The following C2CD2L variants were observed in gnomAD, a reference collection of about 807,000 sequenced individuals.
C2CD2L encodes phospholipid transfer protein C2CD2L.
Under a neutral mutation model 69.9 loss-of-function variants are expected in C2CD2L, and 24 were observed. That is an observed-to-expected ratio of 0.34 (90% CI 0.25 to 0.48). C2CD2L has a LOEUF of 0.48. Among genes scored for constraint, C2CD2L ranks in the 20% least tolerant of loss-of-function variants. C2CD2L has a pLI of 0.99. For synonymous variants in C2CD2L, 367 were observed against 391.0 expected, an observed-to-expected ratio of 0.94 and a Z score of 0.72; for missense variants, 811 against 941.5, an observed-to-expected ratio of 0.86 and a Z score of 1.81.
chr11:119,107,901 G>A lies in C2CD2L; in HGVS notation c.160G>A (p.Gly54Arg), dbSNP rs761639867. Residue 54 changes from glycine (G) to arginine (R), a missense_variant, in exon 1 of 14, where the codon GGG becomes AGG. Coordinates refer to ENST00000648610, the MANE Select transcript of C2CD2L (RefSeq NM_001290474.2). The surrounding 1 kb of genome is among the most constrained non-coding windows in gnomAD (Gnocchi z 5.4). The part of the protein sequence containing the change: ...GDRGPGPALA[G>R]EPAGSLRELG... The stretch of plus-strand genomic sequence containing the variant: ...CCGGGGCCCGGGACCCGCCTTAGCC[G>A]GGGAACCCGCGGGTTCCCTGCGGGA... The A allele has an allele frequency of 7.2e-6, 11 of 1,525,258 alleles. No individual in the cohort carries two copies. The highest frequency in any genetic ancestry group is 3.6e-5 in the South Asian group (3 of 82,820). 94.5% of individuals were successfully genotyped at this position (1,525,258 alleles called of 1,614,324 possible).
chr11:119,116,011 C>T, intron 13 of C2CD2L, 34 bp from the exon 14 acceptor site: 1 of 1,599,922 alleles, frequency 6.3e-7, no homozygotes, highest in Non-Finnish European at 8.5e-7. Flanking sequence ...ACCCCGTGCC[C>T]CTCTCTGCCT....
intron 10 of C2CD2L, chr11:119,113,370 C>G: frequency 1.8e-6 from 1 of 547,764 alleles, no homozygotes; most frequent in Non-Finnish European, 3.2e-6. Context: ...TGTCCCCGCT[C>G]CATATTTTCA....
chr11:119,104,027 G>C (rs923986382), upstream of C2CD2L, among the ~76,000 whole-genome samples: 1 of 152,208 alleles, frequency 6.6e-6, no homozygotes, highest in African/African-American at 2.4e-5. Context: ...GCTGAAAGGA[G>C]GACTGAGGGC....
Position 119,107,725 on chromosome 11 carries a change from C to T in C2CD2L, c.-17C>T, listed in dbSNP as rs1302578027. On this transcript the variant is annotated 5_prime_UTR_variant, in exon 1 of 14. Coordinates refer to ENST00000648610, the MANE Select transcript of C2CD2L (RefSeq NM_001290474.2). The surrounding 1 kb of genome is among the most constrained non-coding windows in gnomAD (Gnocchi z 5.4). ...GGTGAGCCCCAGCCGGGACCGGGATCGGAGCCCGCGCGGAGCATGGATCCG... is the reference window on the plus strand; with the variant it reads ...GGTGAGCCCCAGCCGGGACCGGGATTGGAGCCCGCGCGGAGCATGGATCCG... The T allele has an allele frequency of 3.4e-6, 5 of 1,461,042 alleles. No individual in the cohort carries two copies. The highest frequency in any genetic ancestry group is 4.5e-6 in the Non-Finnish European group (5 of 1,114,234). 90.5% of individuals were successfully genotyped at this position (1,461,042 alleles called of 1,614,324 possible).
Position 119,110,268 on chromosome 11 carries a change from C to T in C2CD2L, c.450+69C>T. ...ACTGACCCCAAGGGCTCCCTTTAGT[C>T]CAGAGGTTCTTAACCTGGAGTCTGT... On this transcript the variant is annotated intron_variant, in intron 2 of 13. Transcript: ENST00000648610. The surrounding 1 kb of genome is among the most constrained non-coding windows in gnomAD (Gnocchi z 5.7). 2 of 1,181,518 alleles carry T rather than the reference C, an allele frequency of 1.7e-6. No individual in the cohort carries two copies. The highest frequency in any genetic ancestry group is 2.5e-5 in the South Asian group (2 of 80,424). 73.2% of individuals were successfully genotyped at this position (1,181,518 alleles called of 1,614,324 possible).
rs756719935 is a variant in C2CD2L at position 119,112,812 on chromosome 11, ATGGCACCAT to A, written c.1328_1336del (p.Gly443_Ile445del). On this transcript the variant is annotated inframe_deletion, in exon 10 of 14. Coordinates refer to ENST00000648610, the MANE Select transcript of C2CD2L (RefSeq NM_001290474.2). ...GAGCTTGACCGGACCATCATGCCCG[ATGGCACCAT>A]TGTCACCACAGTCACCACTGTCCAG... 1 of 1,614,060 alleles carries A rather than the reference ATGGCACCAT, an allele frequency of 6.2e-7. No homozygotes were observed. The highest frequency in any genetic ancestry group is 1.1e-5 in the South Asian group (1 of 91,086).
chr11:119,111,475 T>A, intron 6 of C2CD2L, 46 bp from the exon 7 acceptor site: 2 of 1,600,540 alleles, frequency 1.2e-6, no homozygotes, highest in South Asian at 2.2e-5. Flanking sequence ...CTGCAGTGAC[T>A]TCCCATCTCT....
At chr11:119,115,399 T>C (rs1461854667) in intron 13 of C2CD2L, 4 of 152,444 alleles carry the variant, frequency 2.6e-5, no homozygotes, top group African/African-American at 9.6e-5. Context: ...CTTTAAAAGA[T>C]GAGAGGCTCA....
rs755311678 is a variant in C2CD2L, at chr11:119,116,280, A to C, written c.*24A>C. 1.7e-5 allele frequency: 27 copies of C among 1,559,772 alleles called. No homozygotes were observed. The South Asian group carries it at 2.9e-4, about 17-fold the overall frequency. On this transcript the variant is annotated 3_prime_UTR_variant, in exon 14 of 14. Coordinates refer to ENST00000648610, the MANE Select transcript of C2CD2L (RefSeq NM_001290474.2). ...GAGGACCCAGCTCTGAAAGGGCACG[A>C]GTTCTCTCAGCCCATTCCCCACCTC...
chr11:119,104,924 C>T (rs1946555554), upstream of C2CD2L, among the ~76,000 whole-genome samples: 1 of 152,234 alleles, frequency 6.6e-6, no homozygotes, highest in Non-Finnish European at 1.5e-5. Flanking sequence ...CCTCCCACCT[C>T]TCCCCTCTTA....
At position 119,111,185 on chromosome 11, in the gene C2CD2L, A is replaced by G; in HGVS notation, c.798+17A>G. On this transcript the variant is annotated intron_variant, in intron 5 of 13. Coordinates refer to ENST00000648610, the MANE Select transcript of C2CD2L (RefSeq NM_001290474.2). ...GGAGGCCTGGTGAGTTGGCACCCAA[A>G]GCAAAAGATTTGCATGCACCTTGTT... 5.6e-6 allele frequency: 9 copies of G among 1,612,672 alleles called. No homozygotes were observed. The highest frequency in any genetic ancestry group is 7.6e-6 in the Non-Finnish European group (9 of 1,178,760).
At chr11:119,102,373 A>G, upstream of C2CD2L, 1 of 470,274 alleles carries the variant, frequency 2.1e-6, no homozygotes, top group African/African-American at 2.0e-5. Context: ...GTCGGAAGCC[A>G]AGGTAAACAC....
chr11:119,103,625 A>T (rs1946543954), upstream of C2CD2L, among the ~76,000 whole-genome samples: 1 of 152,154 alleles, frequency 6.6e-6, no homozygotes, highest in Non-Finnish European at 1.5e-5. Flanking sequence ...TGAACCTGGG[A>T]TGAGGAGGTT....
At chr11:119,104,534 TTGA>T (rs1209243838), upstream of C2CD2L, among the ~76,000 whole-genome samples, 3 of 152,340 alleles carry the variant, frequency 2.0e-5, no homozygotes, top group Admixed American at 2.0e-4. Flanking sequence ...AAAGTCCCAG[TTGA>T]TGATCAGACT....
At chr11:119,115,972 C>CCAT in intron 13 of C2CD2L, 73 bp from the exon 14 acceptor site, 1 of 1,229,048 alleles carries the variant, frequency 8.1e-7, no homozygotes, top group Non-Finnish European at 1.2e-6. Flanking sequence ...CCTCCATTCT[C>CCAT]CATCGTGTCT....
At position 119,118,418 on chromosome 11, in the gene C2CD2L, CATG is replaced by C. The variant is rs375042438; in HGVS notation, c.*2165_*2167del. On this transcript the variant is annotated 3_prime_UTR_variant, in exon 14 of 14. Coordinates refer to ENST00000648610, the MANE Select transcript of C2CD2L (RefSeq NM_001290474.2). ...GTTCCACCCATGTTGCTGGAAAACA[CATG>C]ATTTCATTCTTTTTTATGGCTGAGT... The C allele has an allele frequency of 5.9e-5, 9 of 152,340 alleles. No individual in the cohort carries two copies. The highest frequency in any genetic ancestry group is 2.2e-4 in the African/African-American group (9 of 41,576). 9.4% of individuals were successfully genotyped at this position (152,340 alleles called of 1,614,324 possible).
chr11:119,112,786 T>A lies in C2CD2L; in HGVS notation c.1299T>A (p.Ile433=). The change falls in exon 10 of 14, where the codon ATT becomes ATA. Residue 433 remains isoleucine (I), a synonymous_variant. Coordinates refer to ENST00000648610, the MANE Select transcript of C2CD2L (RefSeq NM_001290474.2). ...CCAGCATCACACCTACCAAGAAGAT[T>A]GAGCTTGACCGGACCATCATGCCCG... ...PRPSITPTKK[I]ELDRTIMPDG... 1.2e-6 allele frequency: 2 copies of A among 1,614,036 alleles called. No homozygotes were observed. The highest frequency in any genetic ancestry group is 1.7e-6 in the Non-Finnish European group (2 of 1,179,950).
At position 119,113,963 on chromosome 11, in the gene C2CD2L, C is replaced by T. The variant is rs770571431; in HGVS notation, c.1598C>T (p.Thr533Ile). 87 of 1,614,076 alleles carry T rather than the reference C, an allele frequency of 5.4e-5. No individual in the cohort carries two copies. The highest frequency in any genetic ancestry group is 7.2e-5 in the Non-Finnish European group (85 of 1,180,032). The stretch of plus-strand genomic sequence containing the variant: ...AAGAAGACACCCACCAAGCGCAGCA[C>T]TCTCATCATCTCTGGTGTTTCCAAG... ...VAKKTPTKRS[T>I]LIISGVSKVP... is the part of the protein sequence containing the mutation. The change falls in exon 12 of 14, where the codon ACT (threonine) becomes ATT (isoleucine). Residue 533 changes from threonine to isoleucine, a missense_variant. Coordinates refer to ENST00000648610, the MANE Select transcript of C2CD2L (RefSeq NM_001290474.2).
chr11:119,106,587 G>C (rs1946594707), upstream of C2CD2L: 1 of 152,198 alleles, frequency 6.6e-6, no homozygotes, highest in South Asian at 2.1e-4. Flanking sequence ...CACATACTTA[G>C]AGTGGCAAGG....
Sources: allele counts gnomAD v4.1 joint callset (sites outside exome capture counted in the v4.1 genomes callset), GRCh38; gene constraint gnomAD v4.1.1; non-coding constraint Gnocchi (gnomAD v3.1); transcripts MANE v1.5; gene names NCBI Gene and HGNC (gene_info 2026-07-23, HGNC 2026-07-21).